The following ANO10 variants were observed in gnomAD, a reference collection of about 807,000 sequenced individuals.
The protein encoded by ANO10 is anoctamin-10.
A neutral mutation model predicts 74.7 loss-of-function variants in ANO10; 77 were observed. That is an observed-to-expected ratio of 1.03 (90% CI 0.86 to 1.25). The LOEUF (loss-of-function observed/expected upper bound fraction) is 1.25. Ranked by LOEUF, ANO10 falls within the 50% of genes most tolerant of loss-of-function variation. The pLI, the probability that ANO10 is intolerant of heterozygous loss-of-function variation, is 0.00. For missense variants in ANO10, 721 were observed against 778.1 expected, an observed-to-expected ratio of 0.93 and a Z score of 0.87; for synonymous variants, 279 against 284.9, an observed-to-expected ratio of 0.98 and a Z score of 0.21.
chr3:43,526,078 C>T (rs2078183686), intron 11 of ANO10, among the ~76,000 whole-genome samples: 1 of 152,150 alleles, frequency 6.6e-6, no homozygotes, highest in Non-Finnish European at 1.5e-5. Flanking sequence ...ATGCAGTACA[C>T]TTAGAGAAAT....
chr3:43,661,137 G>A (rs1299281806), intron 1 of ANO10, among the ~76,000 whole-genome samples: 1 of 152,164 alleles, frequency 6.6e-6, no homozygotes, highest in Non-Finnish European at 1.5e-5. Context: ...GGAAAAAAAT[G>A]TTAAGAACAG....
At chr3:43,486,041 A>G (rs2076473864) in intron 11 of ANO10, among the ~76,000 whole-genome samples, 1 of 152,228 alleles carries the variant, frequency 6.6e-6, no homozygotes, top group African/African-American at 2.4e-5. Flanking sequence ...TGGCCTTGCA[A>G]AGCTGTCTCT....
chr3:43,485,323 G>A (rs994997479), intron 11 of ANO10: 7 of 535,034 alleles, frequency 1.3e-5, no homozygotes, highest in Non-Finnish European at 2.0e-5. Flanking sequence ...CTCCGGATCC[G>A]ACAGGGTGTC....
intron 4 of ANO10, among the ~76,000 whole-genome samples, chr3:43,584,227 G>A (rs1174202518): frequency 6.6e-6 from 1 of 152,214 alleles, no homozygotes; most frequent in African/African-American, 2.4e-5. Flanking sequence ...GTGGTGGAAT[G>A]AGGGGGAACC....
rs913158259 is a variant in ANO10, at chr3:43,366,832, C to A, written c.*74G>T. 7.0e-7 allele frequency: 1 copy of A among 1,428,190 alleles called. No homozygotes were observed. The allele number at this position is 1,428,190 out of a possible 1,614,324, so 88.5% of individuals were successfully genotyped here. On this transcript the variant is annotated 3_prime_UTR_variant, in exon 13 of 13. Transcript: ENST00000292246. ...AGGAGCCACGATGCTGCCCCGGGTA[C>A]CCCCCCTGCCACCGTGGCAGGTGTG...
chr3:43,572,786 A>T (rs1043494652), intron 7 of ANO10, among the ~76,000 whole-genome samples: 4 of 152,156 alleles, frequency 2.6e-5, no homozygotes, highest in Non-Finnish European at 4.4e-5. Context: ...CTATGTGTAC[A>T]GGTGTGAGTG....
intron 11 of ANO10, among the ~76,000 whole-genome samples, chr3:43,538,536 C>T (rs1037080079): frequency 4.6e-5 from 7 of 152,040 alleles, no homozygotes; most frequent in Non-Finnish European, 8.8e-5. Flanking sequence ...ACTATGGCAG[C>T]TTTGTAATTC....
chr3:43,691,049 G>GCCGGCAGGGGGCTTCGTGTGTCT, intron 1 of ANO10: 3 of 1,548,400 alleles, frequency 1.9e-6, no homozygotes, highest in South Asian at 1.2e-5. Flanking sequence ...GGTAAGCGCA[G>GCCGGCAGGGGGCTTCGTGTGTCT]CCGGCAGGGG....
chr3:43,419,377 T>A (rs2092787912), intron 12 of ANO10, among the ~76,000 whole-genome samples: 1 of 152,214 alleles, frequency 6.6e-6, no homozygotes, highest in African/African-American at 2.4e-5. Context: ...CAGCTGGAGA[T>A]CCATTCCTTA....
Position 43,508,586 on chromosome 3 carries a change from C to T in ANO10, c.1797+41134G>A, listed in dbSNP as rs1263304359. Among the ~76,000 whole-genome samples the T allele has an allele frequency of 3.3e-5, 5 of 152,262 alleles. No homozygotes were observed. The East Asian group carries it at 9.6e-4, about 29-fold the overall frequency. ...TAGACTGGATTAAGAAAATGTGGCA[C>T]ATATACACCATGGAATACTATGCAG... On this transcript the variant is annotated intron_variant, in intron 11 of 12. Coordinates refer to ENST00000292246, the MANE Select transcript of ANO10 (RefSeq NM_018075.5).
rs563442143 is a variant in ANO10 at position 43,422,206 on chromosome 3, T to C, written c.1914+10405A>G. 1.1e-3 allele frequency among the ~76,000 whole-genome samples: 175 copies of C among 152,304 alleles called. 2 individuals are homozygous for C. Among genetic ancestry groups the C allele is most frequent in the Non-Finnish European group, 2.1e-3 (146 of 68,028 alleles). ...ATCTCAGCTCATTGCAACCTCTGCC[T>C]CACGGGTTCAAGCGACTCTCCTGCC... is the stretch of plus-strand genomic sequence containing the variant. On this transcript the variant is annotated intron_variant, in intron 12 of 12. Coordinates refer to ENST00000292246, the MANE Select transcript of ANO10 (RefSeq NM_018075.5).
intron 1 of ANO10, among the ~76,000 whole-genome samples, chr3:43,632,967 C>A (rs575320923): frequency 8.5e-4 from 130 of 152,192 alleles, no homozygotes; most frequent in Admixed American, 4.0e-3. Flanking sequence ...TAACAGCAAC[C>A]TTTAGATCAA....
chr3:43,591,437 T>G (rs2081749197), intron 4 of ANO10, among the ~76,000 whole-genome samples: 1 of 152,150 alleles, frequency 6.6e-6, no homozygotes, highest in Non-Finnish European at 1.5e-5. Context: ...TAACACTCAC[T>G]GCATGGCCCA....
chr3:43,392,340 T>G (rs534172744), intron 12 of ANO10, among the ~76,000 whole-genome samples: 1 of 152,196 alleles, frequency 6.6e-6, no homozygotes, highest in Non-Finnish European at 1.5e-5. Flanking sequence ...AAAATAAATA[T>G]CAGTGTAGGA....
At chr3:43,683,449 A>T (rs1038587611) in intron 1 of ANO10, among the ~76,000 whole-genome samples, 54 of 152,330 alleles carry the variant, frequency 3.5e-4, no homozygotes, top group African/African-American at 1.1e-3. Context: ...CAAATGGAAG[A>T]ACATTCCATG....
At chr3:43,494,194 C>T (rs1428984375) in intron 11 of ANO10, among the ~76,000 whole-genome samples, 4 of 152,204 alleles carry the variant, frequency 2.6e-5, no homozygotes, top group African/African-American at 7.2e-5. Context: ...TGGCTCACGC[C>T]TGTAATCTCA....
chr3:43,511,891 C>T (rs1276670640), intron 11 of ANO10, among the ~76,000 whole-genome samples: 6 of 152,232 alleles, frequency 3.9e-5, no homozygotes, highest in African/African-American at 1.4e-4. Context: ...AGGGCACTGC[C>T]TTGCTCCAAG....
intron 11 of ANO10, chr3:43,472,372 A>AT (rs1222926207): frequency 2.6e-5 from 4 of 152,220 alleles, no homozygotes; most frequent in Non-Finnish European, 2.9e-5. Context: ...CTGTATGTAA[A>AT]TTTTTTAAAA....
intron 5 of ANO10, among the ~76,000 whole-genome samples, chr3:43,578,749 CAAAAAAAAA>C (rs56186109): frequency 4.2e-4 from 27 of 64,434 alleles, no homozygotes; most frequent in African/African-American, 3.9e-4. Context: ...GACTCCATCT[CAAAAAAAAA>C]AAAAAAAAAA....
Sources: gnomAD v4.1 joint callset for allele counts (sites outside exome capture counted in the v4.1 genomes callset) on GRCh38, gnomAD v4.1.1 for gene constraint, MANE v1.5 for transcripts, NCBI Gene and HGNC (gene_info 2026-07-23, HGNC 2026-07-21) for gene names.